The following CADM2 variants were observed in gnomAD, a reference collection of about 807,000 sequenced individuals.
The protein encoded by CADM2 is immunoglobulin superfamily member 4D.
A neutral mutation model predicts 49.8 loss-of-function variants in CADM2; 12 were observed. That is an observed-to-expected ratio of 0.24 (90% CI 0.15 to 0.39). The LOEUF is 0.39. Ranked by LOEUF, CADM2 falls within the 10% of genes least tolerant of loss-of-function variation. CADM2 has a pLI of 1.00. For synonymous variants in CADM2, 214 were observed against 175.4 expected (o/e 1.22, Z -1.74); for missense variants, 378 against 492.3 (o/e 0.77, Z 2.20).
intron 3 of CADM2, among the ~76,000 whole-genome samples, chr3:85,873,868 C>A (rs1711500201): frequency 6.6e-6 from 1 of 151,884 alleles, no homozygotes; most frequent in South Asian, 2.1e-4. Context: ...GTGGAAAATT[C>A]ACACTCACCT....
intron 1 of CADM2, among the ~76,000 whole-genome samples, chr3:85,627,464 G>C: frequency 6.6e-6 from 1 of 152,054 alleles, no homozygotes; most frequent in Middle Eastern, 3.4e-3. Context: ...ATGTAAAAGT[G>C]ATACATTCTT....
rs1739601752 is a variant in CADM2, at chr3:86,068,872, T to C, written c.*2089T>C. 6.6e-6 allele frequency: 1 copy of C among 152,392 alleles called. No homozygotes were observed. The highest frequency in any genetic ancestry group is 2.4e-5 in the African/African-American group (1 of 41,440). The allele number at this position is 152,392 out of a possible 1,614,324, so 9.4% of individuals were successfully genotyped here. On this transcript the variant is annotated 3_prime_UTR_variant, in exon 10 of 10. Coordinates refer to ENST00000383699, the MANE Select transcript of CADM2 (RefSeq NM_001167675.2). Reference sequence around the variant, plus strand: ...CCATACCATCTGTGGAAAAATGCAATAATATGTTAATATAGTATGGTAGTT... The same window carrying C: ...CCATACCATCTGTGGAAAAATGCAACAATATGTTAATATAGTATGGTAGTT...
intron 1 of CADM2, among the ~76,000 whole-genome samples, chr3:85,265,455 C>T (rs957823387): frequency 6.6e-6 from 1 of 151,854 alleles, no homozygotes; most frequent in Non-Finnish European, 1.5e-5. Flanking sequence ...TTGTGTTATT[C>T]TATGGTGGAA....
intron 1 of CADM2, among the ~76,000 whole-genome samples, chr3:85,450,358 C>A (rs1294620352): frequency 1.3e-5 from 2 of 151,960 alleles, no homozygotes; most frequent in Non-Finnish European, 2.9e-5. Context: ...TATGTTATTG[C>A]ATATAAATAT....
At chr3:85,355,249 G>A (rs1024579478) in intron 1 of CADM2, among the ~76,000 whole-genome samples, 12 of 152,006 alleles carry the variant, frequency 7.9e-5, no homozygotes, top group African/African-American at 2.9e-4. Flanking sequence ...GGCAATAAAG[G>A]AATGCATCAT....
At chr3:85,766,047 T>C (rs2069639509) in intron 2 of CADM2, among the ~76,000 whole-genome samples, 1 of 152,132 alleles carries the variant, frequency 6.6e-6, no homozygotes, top group African/African-American at 2.4e-5. Context: ...TATAGACCTG[T>C]TAGAATACGA....
At position 85,038,942 on chromosome 3, in the gene CADM2, T is replaced by C. The variant is rs553888406; in HGVS notation, c.61+79274T>C. Among the ~76,000 whole-genome samples the C allele has an allele frequency of 3.9e-5, 6 of 152,340 alleles. No individual in the cohort carries two copies. The East Asian group carries it at 1.2e-3, about 29-fold the overall frequency. ...TAAATCCATACTGAATGGAGGAGTT[T>C]GTATCAAAAATGTGCTTCTAAAATT... On this transcript the variant is annotated intron_variant, in intron 1 of 9. Transcript: ENST00000383699.
At position 85,229,910 on chromosome 3, in the gene CADM2, A is replaced by C. The variant is rs549820598; in HGVS notation, c.61+270242A>C. ...TATCTGTAAGATAACCTGTGTCATT[A>C]CACTGATATCTGTAAGATTACCTGT... On this transcript the variant is annotated intron_variant, in intron 1 of 9. Coordinates refer to ENST00000383699, the MANE Select transcript of CADM2 (RefSeq NM_001167675.2). Among the ~76,000 whole-genome samples, 9 of 152,294 alleles carry C rather than the reference A, an allele frequency of 5.9e-5. No individual in the cohort carries two copies. In the South Asian group the frequency reaches 1.0e-3, roughly 18 times the overall value.
intron 1 of CADM2, among the ~76,000 whole-genome samples, chr3:85,502,122 G>A (rs910333811): frequency 6.6e-6 from 1 of 152,114 alleles, no homozygotes; most frequent in Non-Finnish European, 1.5e-5. Flanking sequence ...TAAAGTAAAG[G>A]ATACACGGAG....
At chr3:85,192,353 G>A (rs2041229383) in intron 1 of CADM2, among the ~76,000 whole-genome samples, 1 of 151,906 alleles carries the variant, frequency 6.6e-6, no homozygotes. Context: ...TGTATGTCAT[G>A]TTGACATTAA....
At chr3:85,553,877 T>C (rs1434498616) in intron 1 of CADM2, among the ~76,000 whole-genome samples, 1 of 152,204 alleles carries the variant, frequency 6.6e-6, no homozygotes, top group Non-Finnish European at 1.5e-5. Context: ...GTGCATCCTG[T>C]AACAGATTAA....
At chr3:85,743,730 G>T (rs2068491635) in intron 2 of CADM2, among the ~76,000 whole-genome samples, 1 of 152,124 alleles carries the variant, frequency 6.6e-6, no homozygotes, top group Non-Finnish European at 1.5e-5. Flanking sequence ...CAAAGAGGCA[G>T]CTTTCAAGTG....
At position 86,073,773 on chromosome 3, in the gene CADM2, C is replaced by A. The variant is rs1025584063; in HGVS notation, c.*6990C>A. On this transcript the variant is annotated 3_prime_UTR_variant, in exon 10 of 10. Transcript: ENST00000383699. ...TAAATCGATGGTACAAAACATACTTCTTTATGCCAAACACATTATTTTGAA... is the reference window on the plus strand; with the variant it reads ...TAAATCGATGGTACAAAACATACTTATTTATGCCAAACACATTATTTTGAA... 1 of 151,938 alleles carries A rather than the reference C, an allele frequency of 6.6e-6. No homozygotes were observed. Among genetic ancestry groups the A allele is most frequent in the African/African-American group, 2.4e-5 (1 of 41,406 alleles). The allele number at this position is 151,938 out of a possible 1,614,324, so 9.4% of individuals were successfully genotyped here.
At chr3:85,235,345 GATAA>G (rs750438680) in intron 1 of CADM2, among the ~76,000 whole-genome samples, 25 of 151,958 alleles carry the variant, frequency 1.6e-4, no homozygotes, top group Non-Finnish European at 3.4e-4. Context: ...GTTTTTGAGT[GATAA>G]ATAAATTTGT....
Position 85,628,600 on chromosome 3 carries a change from C to T in CADM2, c.62-97922C>T, listed in dbSNP as rs200447766. On this transcript the variant is annotated intron_variant, in intron 1 of 9. Coordinates refer to ENST00000383699, the MANE Select transcript of CADM2 (RefSeq NM_001167675.2). The stretch of plus-strand genomic sequence containing the variant: ...ACACACACATATATATACATATATA[C>T]ACATATATACATTTATATACATATA... Among the ~76,000 whole-genome samples, 29 of 14,474 alleles carry T rather than the reference C, an allele frequency of 2.0e-3. 1 individual carries two copies. The South Asian group carries it at 0.028, about 14-fold the overall frequency. 9.5% of individuals were successfully genotyped at this position (14,474 alleles called of 152,430 possible).
intron 3 of CADM2, among the ~76,000 whole-genome samples, chr3:85,874,092 G>A (rs1015406401): frequency 4.6e-5 from 7 of 152,136 alleles, no homozygotes; most frequent in African/African-American, 1.7e-4. Context: ...AAAGAGAACA[G>A]TTTCTTAATT....
intron 1 of CADM2, among the ~76,000 whole-genome samples, chr3:85,381,442 G>T (rs983063985): frequency 4.8e-5 from 7 of 145,800 alleles, no homozygotes; most frequent in African/African-American, 1.7e-4. Flanking sequence ...TATATATAAA[G>T]AAAATATATA....
intron 3 of CADM2, among the ~76,000 whole-genome samples, chr3:85,821,176 CA>C (rs1559681471): frequency 6.6e-6 from 1 of 152,150 alleles, no homozygotes; most frequent in East Asian, 1.9e-4. Flanking sequence ...CTCCTTCAAG[CA>C]TGCTTTACCT....
chr3:85,083,605 T>C (rs943548597), intron 1 of CADM2, among the ~76,000 whole-genome samples: 4 of 152,144 alleles, frequency 2.6e-5, no homozygotes, highest in Admixed American at 2.6e-4. Flanking sequence ...GATGCTCTAC[T>C]CTAGAATACC....
Sources: allele counts gnomAD v4.1 joint callset (sites outside exome capture counted in the v4.1 genomes callset), GRCh38; gene constraint gnomAD v4.1.1; transcripts MANE v1.5; gene names NCBI Gene and HGNC (gene_info 2026-07-23, HGNC 2026-07-21).